FOXO3B: variants seen among roughly 807,000 people sequenced by gnomAD.
FOXO3B encodes the protein forkhead box protein O3B.
In FOXO3B, 15 loss-of-function variants were observed where a neutral mutation model predicts 21.9. That is an observed-to-expected ratio of 0.68 (90% CI 0.46 to 1.05). The LOEUF is 1.05. Among genes scored for constraint, FOXO3B ranks in the 50% least tolerant of loss-of-function variants. FOXO3B has a pLI of 0.00. For synonymous variants in FOXO3B, 135 were observed against 213.6 expected, an observed-to-expected ratio of 0.63 and a Z score of 3.21; for missense variants, 293 against 435.5, an observed-to-expected ratio of 0.67 and a Z score of 2.91.
chr17:18,670,956 C>A lies in FOXO3B; in HGVS notation c.*1353G>T. On this transcript the variant is annotated 3_prime_UTR_variant, in exon 4 of 4. Transcript: ENST00000395675. ...GGCCTGCTTAGCACCAGTGAAGTTCCCCACGTTCAAACCAACAACATTCTG... is the reference window on the plus strand; with the variant it reads ...GGCCTGCTTAGCACCAGTGAAGTTCACCACGTTCAAACCAACAACATTCTG... 1.4e-6 allele frequency: 2 copies of A among 1,396,542 alleles called. No homozygotes were observed. The highest frequency in any genetic ancestry group is 2.0e-6 in the Non-Finnish European group (2 of 1,023,186). The allele number at this position is 1,396,542 out of a possible 1,614,324, so 86.5% of individuals were successfully genotyped here.
chr17:18,674,044 G>A (rs1453402882), intron 3 of FOXO3B, among the ~76,000 whole-genome samples: 3 of 151,900 alleles, frequency 2.0e-5, no homozygotes, highest in Non-Finnish European at 2.9e-5. Context: ...ACTTATTTTA[G>A]ACATTCAGTT....
Position 18,672,622 on chromosome 17 carries a change from G to T in FOXO3B, c.560C>A (p.Ala187Glu). Reference protein sequence around the residue: ...LLLEDSVRVLAPGGQDPGSGP... With the variant: ...LLLEDSVRVLEPGGQDPGSGP... The stretch of plus-strand genomic sequence containing the variant: ...AGACCCGGGGTCTTGCCCTCCGGGT[G>T]CCAGCACCCGGACCGAGTCCTCAAG... The change falls in exon 4 of 4, where the codon GCA becomes GAA. Residue 187 changes from alanine (A) to glutamate (E), a missense_variant. Coordinates refer to ENST00000395675, the MANE Select transcript of FOXO3B (RefSeq NM_001368135.1). The surrounding 1 kb of genome is among the most constrained non-coding windows in gnomAD (Gnocchi z 4.2). 6.9e-7 allele frequency: 1 copy of T among 1,444,530 alleles called. No homozygotes were observed. Among genetic ancestry groups the T allele is most frequent in the Non-Finnish European group, 9.0e-7 (1 of 1,110,058 alleles). 89.5% of individuals were successfully genotyped at this position (1,444,530 alleles called of 1,614,324 possible).
In FOXO3B at chr17:18,672,420, G is replaced by A. The variant is rs1364681739; in HGVS notation, c.762C>T (p.Ala254=). ...NLSYADLITR[A]IESSPDRRLT... ...GCCGTCTGTCCGGGGAGCTCTCGATGGCGCGGGTGATCAGGTCCGCGTAGG... is the reference window on the plus strand; with the variant it reads ...GCCGTCTGTCCGGGGAGCTCTCGATAGCGCGGGTGATCAGGTCCGCGTAGG... The change falls in exon 4 of 4, where the codon GCC becomes GCT. Residue 254 remains alanine (A), a synonymous_variant. Coordinates refer to ENST00000395675, the MANE Select transcript of FOXO3B (RefSeq NM_001368135.1). The surrounding 1 kb of genome is among the most constrained non-coding windows in gnomAD (Gnocchi z 4.2). 2 of 1,612,356 alleles carry A rather than the reference G, an allele frequency of 1.2e-6. No individual in the cohort carries two copies. The highest frequency in any genetic ancestry group is 1.7e-6 in the Non-Finnish European group (2 of 1,179,100).
At chr17:18,675,769 G>A (rs1440322317) in intron 3 of FOXO3B, among the ~76,000 whole-genome samples, 7 of 151,866 alleles carry the variant, frequency 4.6e-5, no homozygotes, top group Non-Finnish European at 1.0e-4. Flanking sequence ...CTTTCAGCAC[G>A]GAAAAAGACA....
chr17:18,680,915 A>G, intron 2 of FOXO3B, 86 bp from the exon 3 acceptor site: 1 of 1,361,494 alleles, frequency 7.3e-7, no homozygotes, highest in Non-Finnish European at 1.0e-6. Flanking sequence ...AACATACTAT[A>G]TGTGCTGCCT....
chr17:18,674,171 T>C (rs1451375156), intron 3 of FOXO3B, among the ~76,000 whole-genome samples: 1 of 151,784 alleles, frequency 6.6e-6, no homozygotes, highest in Non-Finnish European at 1.5e-5. Flanking sequence ...TTGGGACTCA[T>C]CTTGATAGAA....
chr17:18,669,406 T>C lies in FOXO3B; in HGVS notation c.*2903A>G, dbSNP rs1038292901. The C allele has an allele frequency of 4.0e-5, 6 of 151,442 alleles. No individual in the cohort carries two copies. Among genetic ancestry groups the C allele is most frequent in the Admixed American group, 3.9e-4 (6 of 15,202 alleles). 9.4% of individuals were successfully genotyped at this position (151,442 alleles called of 1,614,324 possible). On this transcript the variant is annotated 3_prime_UTR_variant, in exon 4 of 4. Coordinates refer to ENST00000395675, the MANE Select transcript of FOXO3B (RefSeq NM_001368135.1). ...AAATATATTTATACATTTATACGCC[T>C]AATGCTTTTTATGCAAAGAAAAGAG...
At chr17:18,673,496 C>A (rs531676239) in intron 3 of FOXO3B, among the ~76,000 whole-genome samples, 1 of 152,232 alleles carries the variant, frequency 6.6e-6, no homozygotes, top group Admixed American at 6.5e-5. Context: ...ATATAACCTA[C>A]ATAAATGAAA....
rs576380506 is a variant in FOXO3B, at chr17:18,680,951, C to G, written c.38-122G>C. On this transcript the variant is annotated intron_variant, in intron 2 of 3. Coordinates refer to ENST00000395675, the MANE Select transcript of FOXO3B (RefSeq NM_001368135.1). Reference sequence around the variant, plus strand: ...ACAAACACTGAGACTGAAGGTACCCCCAAAACAACCGACCTCCTCCCAGGA... The same window carrying G: ...ACAAACACTGAGACTGAAGGTACCCGCAAAACAACCGACCTCCTCCCAGGA... The G allele has an allele frequency of 3.0e-4, 242 of 801,578 alleles. No individual in the cohort carries two copies. In the African/African-American group the frequency reaches 3.7e-3, roughly 12 times the overall value. The allele number at this position is 801,578 out of a possible 1,614,324, so 49.7% of individuals were successfully genotyped here.
At chr17:18,677,457 C>G in intron 3 of FOXO3B, 1 of 1,614,194 alleles carries the variant, frequency 6.2e-7, no homozygotes, top group Non-Finnish European at 8.5e-7. Flanking sequence ...GCTGATCCAC[C>G]CTAACCCCGA....
rs1230716416 is a variant in FOXO3B, at chr17:18,672,034, C to T, written c.*275G>A. 1.9e-6 allele frequency: 3 copies of T among 1,611,454 alleles called. No individual in the cohort carries two copies. The highest frequency in any genetic ancestry group is 2.5e-6 in the Non-Finnish European group (3 of 1,178,764). On this transcript the variant is annotated 3_prime_UTR_variant, in exon 4 of 4. Transcript: ENST00000395675. The surrounding 1 kb of genome is among the most constrained non-coding windows in gnomAD (Gnocchi z 4.2). ...CCACGCATCCAGCTCATCACTGCTG[C>T]GTGACGTGGGGCTGCCAGACCACTT...
At position 18,672,334 on chromosome 17, in the gene FOXO3B, C is replaced by G. The variant is rs2151734729; in HGVS notation, c.848G>C (p.Gly283Ala). The G allele has an allele frequency of 3.1e-6, 5 of 1,612,586 alleles. No homozygotes were observed. In the Middle Eastern group the frequency reaches 8.3e-4, roughly 267 times the overall value. Residue 283 changes from glycine (G) to alanine (A), a missense_variant, in exon 4 of 4, where the codon GGC (glycine) becomes GCC (alanine). Coordinates refer to ENST00000395675, the MANE Select transcript of FOXO3B (RefSeq NM_001368135.1). This position sits in a 1 kb window ranked among gnomAD's most constrained non-coding sequence, Gnocchi z 4.2. ...VSCVPYFKDKGNSNSSAG is the reference protein window; with the variant it reads ...VSCVPYFKDKANSNSSAG The stretch of plus-strand genomic sequence containing the variant: ...CTAGCCGGCAGAGCTGTTGCTGTTG[C>G]CCTTATCCTTGAAGTAGGGCACGCA...
chr17:18,676,814 C>T (rs2151736395), intron 3 of FOXO3B, among the ~76,000 whole-genome samples: 1 of 152,134 alleles, frequency 6.6e-6, no homozygotes, highest in African/African-American at 2.4e-5. Flanking sequence ...AATTCTCCTG[C>T]CTCAGCCTCC....
Position 18,672,423 on chromosome 17 carries a change from G to A in FOXO3B, c.759C>T (p.Arg253=). 1.2e-6 allele frequency: 2 copies of A among 1,611,926 alleles called. No homozygotes were observed. The highest frequency in any genetic ancestry group is 1.7e-6 in the Non-Finnish European group (2 of 1,178,958). The change falls in exon 4 of 4, where the codon CGC becomes CGT. Residue 253 remains arginine (R), a synonymous_variant. Coordinates refer to ENST00000395675, the MANE Select transcript of FOXO3B (RefSeq NM_001368135.1). The surrounding 1 kb of genome is among the most constrained non-coding windows in gnomAD (Gnocchi z 4.2). ...GTCTGTCCGGGGAGCTCTCGATGGC[G>A]CGGGTGATCAGGTCCGCGTAGGACA... ...GNLSYADLIT[R]AIESSPDRRL...
chr17:18,682,043 G>A (rs1415393778), intron 1 of FOXO3B, 161 bp downstream of exon 1: 3 of 600,872 alleles, frequency 5.0e-6, no homozygotes, highest in African/African-American at 1.8e-5. Context: ...CGCGTCCCCC[G>A]AGGAGAGGAT....
At position 18,672,266 on chromosome 17, in the gene FOXO3B, T is replaced by A; in HGVS notation, c.*43A>T. On this transcript the variant is annotated 3_prime_UTR_variant, in exon 4 of 4. Transcript: ENST00000395675. This position sits in a 1 kb window ranked among gnomAD's most constrained non-coding sequence, Gnocchi z 4.2. ...CCAGTTCCCTCATTCTGGACCCGCA[T>A]GAATCGACTATGCAGTGACAGGTTG... The A allele has an allele frequency of 6.2e-7, 1 of 1,612,000 alleles. No homozygotes were observed.
chr17:18,677,246 A>G (rs1342155917), intron 3 of FOXO3B: 5 of 1,589,388 alleles, frequency 3.1e-6, no homozygotes, highest in Non-Finnish European at 4.3e-6. Flanking sequence ...AAACAAGTCT[A>G]CTTGTATGTA....
intron 3 of FOXO3B, among the ~76,000 whole-genome samples, chr17:18,674,178 A>G (rs1212059280): frequency 6.6e-6 from 1 of 151,968 alleles, no homozygotes; most frequent in Admixed American, 6.6e-5. Flanking sequence ...TCATCTTGAT[A>G]GAAGGTAACT....
Position 18,673,027 on chromosome 17 carries a change from C to A in FOXO3B, c.155G>T (p.Ser52Ile). The change falls in exon 4 of 4, where the codon AGC becomes ATC. Residue 52 changes from serine to isoleucine, a missense_variant. Around this residue, in one of 2 missense-constraint regions of FOXO3B, gnomAD observed 251 missense variants for 404.0 expected, o/e 0.62. Transcript: ENST00000395675. The part of the protein sequence containing the change: ...QAAAAAAAPG[S>I]RSLRGVHVPP... ...GACGTGGACGCCGCGAAGGCTCCGG[C>A]TCCCGGGCGCCGCCGCCGCCGCCGC... The A allele has an allele frequency of 1.4e-6, 2 of 1,456,916 alleles. No homozygotes were observed. Among genetic ancestry groups the A allele is most frequent in the Non-Finnish European group, 1.8e-6 (2 of 1,112,096 alleles). The allele number at this position is 1,456,916 out of a possible 1,614,324, so 90.2% of individuals were successfully genotyped here. A position where few individuals can be genotyped will look rare whatever the true frequency, so the allele number is the denominator to read the frequency against.
Sources: allele counts gnomAD v4.1 joint callset (sites outside exome capture counted in the v4.1 genomes callset), GRCh38; gene constraint gnomAD v4.1.1; regional missense constraint gnomAD v4.1.1; non-coding constraint Gnocchi (gnomAD v3.1); transcripts MANE v1.5; gene names NCBI Gene and HGNC (gene_info 2026-07-23, HGNC 2026-07-21).